The following THSD7B variants were observed in gnomAD, a reference collection of about 807,000 sequenced individuals.
The protein encoded by THSD7B is thrombospondin type-1 domain-containing protein 7B.
A neutral mutation model predicts 213.6 loss-of-function variants in THSD7B; 138 were observed. That is an observed-to-expected ratio of 0.65 (90% CI 0.56 to 0.74). The LOEUF (loss-of-function observed/expected upper bound fraction) is 0.74, where lower values mean the gene tolerates loss of function less well. Ranked by LOEUF, THSD7B falls within the 30% of genes least tolerant of loss-of-function variation. THSD7B has a pLI of 0.00. For missense variants in THSD7B, 1,931 were observed against 1,991.5 expected, an observed-to-expected ratio of 0.97 and a Z score of 0.58; for synonymous variants, 742 against 687.0, an observed-to-expected ratio of 1.08 and a Z score of -1.25.
At chr2:137,490,991 C>A (rs1460229215) in intron 15 of THSD7B, among the ~76,000 whole-genome samples, 1 of 152,190 alleles carries the variant, frequency 6.6e-6, no homozygotes, top group African/African-American at 2.4e-5. Flanking sequence ...GTAACAATCA[C>A]TTGAAAGGTT....
chr2:137,376,294 G>A (rs1685655970), intron 12 of THSD7B, among the ~76,000 whole-genome samples: 1 of 152,072 alleles, frequency 6.6e-6, no homozygotes, highest in African/African-American at 2.4e-5. Flanking sequence ...GTCATACACA[G>A]GCTTTTTAAG....
intron 15 of THSD7B, among the ~76,000 whole-genome samples, chr2:137,554,454 G>A (rs142623765): frequency 8.1e-4 from 123 of 152,284 alleles, no homozygotes; most frequent in African/African-American, 2.7e-3. Context: ...AGGTCAAACT[G>A]TGTCTCTCTG....
At chr2:137,422,126 C>T (rs1558792172) in intron 14 of THSD7B, among the ~76,000 whole-genome samples, 1 of 151,694 alleles carries the variant, frequency 6.6e-6, no homozygotes, top group Admixed American at 6.6e-5. Context: ...GTGTTATTTT[C>T]TTATTTTCCT....
chr2:137,601,946 C>A (rs1682082599), intron 17 of THSD7B, among the ~76,000 whole-genome samples: 1 of 152,198 alleles, frequency 6.6e-6, no homozygotes, highest in South Asian at 2.1e-4. Flanking sequence ...TGATGAAAAT[C>A]TGTCATGCCT....
intron 26 of THSD7B, among the ~76,000 whole-genome samples, chr2:137,666,087 A>G (rs1356291570): frequency 6.6e-6 from 1 of 152,122 alleles, no homozygotes; most frequent in African/African-American, 2.4e-5. Flanking sequence ...TTTAATAGTT[A>G]GAAGTTTTAG....
At chr2:136,996,307 C>T (rs1053275011) in intron 2 of THSD7B, among the ~76,000 whole-genome samples, 3 of 152,104 alleles carry the variant, frequency 2.0e-5, no homozygotes, top group African/African-American at 4.8e-5. Context: ...CTCTCTGTCC[C>T]TGTCTCTTTC....
chr2:136,767,123 G>A (rs1184668882), intron 1 of THSD7B, among the ~76,000 whole-genome samples: 1 of 152,170 alleles, frequency 6.6e-6, no homozygotes, highest in Non-Finnish European at 1.5e-5. Context: ...CGAGTAACTA[G>A]GAGGAGGTAA....
chr2:137,118,332 C>T (rs184886810), intron 5 of THSD7B, among the ~76,000 whole-genome samples: 1 of 152,198 alleles, frequency 6.6e-6, no homozygotes, highest in African/African-American at 2.4e-5. Flanking sequence ...AAACATGAAT[C>T]AAGGAATGCA....
At chr2:137,282,835 G>T (rs534880818) in intron 12 of THSD7B, among the ~76,000 whole-genome samples, 5 of 151,780 alleles carry the variant, frequency 3.3e-5, no homozygotes, top group African/African-American at 9.7e-5. Context: ...AAGTCAGGTA[G>T]CATGATGCCT....
At chr2:137,009,068 A>G (rs1031622163) in intron 2 of THSD7B, among the ~76,000 whole-genome samples, 2 of 152,224 alleles carry the variant, frequency 1.3e-5, no homozygotes, top group Admixed American at 1.3e-4. Flanking sequence ...CTTTGAGGCT[A>G]TGTGATCTCT....
intron 2 of THSD7B, among the ~76,000 whole-genome samples, chr2:136,939,256 G>T (rs1229118131): frequency 2.0e-5 from 3 of 152,052 alleles, no homozygotes; most frequent in Non-Finnish European, 4.4e-5. Context: ...GCACCATTGC[G>T]CTCCTATTGC....
intron 2 of THSD7B, among the ~76,000 whole-genome samples, chr2:136,968,704 C>T (rs1685358686): frequency 6.6e-6 from 1 of 151,984 alleles, no homozygotes. Flanking sequence ...CAGATATTTC[C>T]TATATCATTT....
intron 14 of THSD7B, among the ~76,000 whole-genome samples, chr2:137,444,797 A>C (rs1162876484): frequency 6.6e-6 from 1 of 152,074 alleles, no homozygotes; most frequent in Non-Finnish European, 1.5e-5. Flanking sequence ...AAGTTTCTGC[A>C]CAGTAAAGGA....
intron 1 of THSD7B, among the ~76,000 whole-genome samples, chr2:136,808,576 A>T (rs544630594): frequency 3.3e-4 from 50 of 152,306 alleles, no homozygotes; most frequent in Admixed American, 3.3e-4. Flanking sequence ...TATGTTTTCA[A>T]TCAGTTGGCT....
intron 1 of THSD7B, among the ~76,000 whole-genome samples, chr2:136,778,066 T>C (rs1418156708): frequency 6.6e-6 from 1 of 152,164 alleles, no homozygotes; most frequent in Non-Finnish European, 1.5e-5. Context: ...GGCATACTTA[T>C]AGAATATTCT....
intron 2 of THSD7B, among the ~76,000 whole-genome samples, chr2:136,924,090 T>C (rs966043104): frequency 6.6e-6 from 1 of 152,184 alleles, no homozygotes; most frequent in Admixed American, 6.5e-5. Flanking sequence ...GTTTTAACTC[T>C]TCTGTTTAGG....
At chr2:136,883,602 C>T (rs968176121) in intron 2 of THSD7B, among the ~76,000 whole-genome samples, 37 of 151,800 alleles carry the variant, frequency 2.4e-4, no homozygotes, top group African/African-American at 6.1e-4. Flanking sequence ...TGACTACTGT[C>T]GAAAGTTTTA....
At chr2:136,784,043 T>C (rs1681793888) in intron 1 of THSD7B, among the ~76,000 whole-genome samples, 1 of 152,348 alleles carries the variant, frequency 6.6e-6, no homozygotes, top group African/African-American at 2.4e-5. Context: ...TCTAAGAATG[T>C]GTGTCGTGAG....
intron 3 of THSD7B, among the ~76,000 whole-genome samples, chr2:137,078,145 G>A (rs879489288): frequency 1.4e-4 from 21 of 152,260 alleles, no homozygotes; most frequent in Non-Finnish European, 2.6e-4. Flanking sequence ...TAGATATGCG[G>A]CATTATTTCT....
Sources: gnomAD v4.1 joint callset for allele counts (sites outside exome capture counted in the v4.1 genomes callset) on GRCh38, gnomAD v4.1.1 for gene constraint, MANE v1.5 for transcripts, NCBI Gene and HGNC (gene_info 2026-07-23, HGNC 2026-07-21) for gene names.